NFKB1: variants seen among roughly 807,000 people sequenced by gnomAD.
NFKB1 encodes the protein nuclear factor NF-kappa-B p105 subunit.
A neutral mutation model predicts 105.1 loss-of-function variants in NFKB1; 9 were observed. That is an observed-to-expected ratio of 0.09 (90% CI 0.05 to 0.15). The LOEUF (loss-of-function observed/expected upper bound fraction) is 0.15, where lower values mean the gene tolerates loss of function less well. NFKB1 is among the 10% of genes least tolerant of loss of function. The pLI is 1.00. For synonymous variants in NFKB1, 440 were observed against 442.2 expected, an observed-to-expected ratio of 1.00 and a Z score of 0.06; for missense variants, 830 against 1,203.7, an observed-to-expected ratio of 0.69 and a Z score of 4.59.
chr4:102,596,459 G>A, intron 14 of NFKB1, 127 bp downstream of exon 14: 1 of 674,156 alleles, frequency 1.5e-6, no homozygotes, highest in Non-Finnish European at 2.2e-6. Flanking sequence ...TCAAAGTTCT[G>A]TATGCCTTTG....
chr4:102,570,395 CT>C (rs1385554323), intron 6 of NFKB1, among the ~76,000 whole-genome samples: 2 of 152,134 alleles, frequency 1.3e-5, no homozygotes, highest in African/African-American at 4.8e-5. Context: ...TGATCTTATT[CT>C]TTTTTATGGC....
chr4:102,523,540 A>T (rs1740702515), intron 1 of NFKB1, among the ~76,000 whole-genome samples: 1 of 152,164 alleles, frequency 6.6e-6, no homozygotes, highest in Non-Finnish European at 1.5e-5. Context: ...TATATTCATT[A>T]CGGTGAGGGC....
In NFKB1 at chr4:102,616,731, C is replaced by T; in HGVS notation, c.*137C>T. On this transcript the variant is annotated 3_prime_UTR_variant, in exon 24 of 24. Coordinates refer to ENST00000226574, the MANE Select transcript of NFKB1 (RefSeq NM_003998.4). ...GAATCATTCTCGATTTAACTCGAGA[C>T]CTTTTCAACTTGGCTTCCTTTCTTG... 1.2e-6 allele frequency: 1 copy of T among 863,578 alleles called. No homozygotes were observed. Among genetic ancestry groups the T allele is most frequent in the South Asian group, 2.0e-5 (1 of 50,914 alleles). 53.5% of individuals were successfully genotyped at this position (863,578 alleles called of 1,614,324 possible).
intron 3 of NFKB1, among the ~76,000 whole-genome samples, chr4:102,531,577 A>G (rs545062604): frequency 4.6e-5 from 7 of 152,338 alleles, no homozygotes; most frequent in South Asian, 4.1e-4. Context: ...GGGATGCGAC[A>G]TAACTCTTAG....
chr4:102,547,837 G>C (rs911565994), intron 5 of NFKB1, among the ~76,000 whole-genome samples: 7 of 152,030 alleles, frequency 4.6e-5, no homozygotes, highest in African/African-American at 1.7e-4. Flanking sequence ...CTTCTGTCTG[G>C]GGTTAAGATA....
At chr4:102,547,126 T>A (rs1722199615) in intron 5 of NFKB1, among the ~76,000 whole-genome samples, 1 of 152,132 alleles carries the variant, frequency 6.6e-6, no homozygotes, top group Admixed American at 6.5e-5. Context: ...CAGAATTAAA[T>A]CCTCAGAATC....
chr4:102,574,329 T>C (rs1724632318), intron 6 of NFKB1, among the ~76,000 whole-genome samples: 1 of 152,230 alleles, frequency 6.6e-6, no homozygotes, highest in South Asian at 2.1e-4. Context: ...TGATGCTCCA[T>C]GTATTACAAG....
intron 11 of NFKB1, among the ~76,000 whole-genome samples, chr4:102,585,180 A>G (rs945849855): frequency 7.2e-5 from 11 of 152,040 alleles, no homozygotes; most frequent in African/African-American, 2.4e-4. Flanking sequence ...TTGAGCTGCC[A>G]TGTCTTGCCA....
At chr4:102,524,089 T>C (rs1740741675) in intron 1 of NFKB1, among the ~76,000 whole-genome samples, 1 of 152,166 alleles carries the variant, frequency 6.6e-6, no homozygotes, top group African/African-American at 2.4e-5. Flanking sequence ...TGTGTTTCTT[T>C]AATTTTCTCA....
chr4:102,594,254 A>G (rs1172288551), intron 12 of NFKB1, among the ~76,000 whole-genome samples: 1 of 152,234 alleles, frequency 6.6e-6, no homozygotes, highest in African/African-American at 2.4e-5. Context: ...TCAAGTGAAC[A>G]AACCATAGTA....
intron 5 of NFKB1, among the ~76,000 whole-genome samples, chr4:102,549,599 C>T (rs1002934278): frequency 7.9e-5 from 12 of 151,688 alleles, no homozygotes; most frequent in Non-Finnish European, 1.2e-4. Flanking sequence ...CCTAGACTTC[C>T]ACTTTGAAAT....
intron 14 of NFKB1, among the ~76,000 whole-genome samples, chr4:102,596,935 C>A (rs1161526086): frequency 1.3e-5 from 2 of 151,584 alleles, no homozygotes; most frequent in Non-Finnish European, 1.5e-5. Context: ...TTTTTTTACA[C>A]CCCTTTAAAA....
chr4:102,526,461 T>C (rs1740918675), intron 2 of NFKB1, among the ~76,000 whole-genome samples: 1 of 152,168 alleles, frequency 6.6e-6, no homozygotes, highest in South Asian at 2.1e-4. Flanking sequence ...ATACAATCTA[T>C]GCATGTAACA....
chr4:102,561,639 T>C (rs1016279437), intron 5 of NFKB1, among the ~76,000 whole-genome samples: 2 of 152,124 alleles, frequency 1.3e-5, no homozygotes, highest in Non-Finnish European at 2.9e-5. Context: ...AGCTCAAGGA[T>C]TGCCTGATCG....
At chr4:102,512,307 T>C (rs1458013108) in intron 1 of NFKB1, among the ~76,000 whole-genome samples, 1 of 152,166 alleles carries the variant, frequency 6.6e-6, no homozygotes, top group Non-Finnish European at 1.5e-5. Flanking sequence ...TTCTCCCCAC[T>C]CAGTTTATAC....
chr4:102,575,277 A>C (rs911968397), intron 6 of NFKB1, among the ~76,000 whole-genome samples: 2 of 152,142 alleles, frequency 1.3e-5, no homozygotes, highest in Admixed American at 1.3e-4. Flanking sequence ...ATCTGCCTGG[A>C]CACGTGACTT....
At chr4:102,537,310 CTGAAATGCTGAGAGAAGCTT>C (rs1430692476) in intron 4 of NFKB1, among the ~76,000 whole-genome samples, 1 of 152,180 alleles carries the variant, frequency 6.6e-6, no homozygotes, top group African/African-American at 2.4e-5. Context: ...ATCTTATCCT[CTGAAATGCTGAGAGAAGCTT>C]AACAGATGCA....
intron 1 of NFKB1, chr4:102,502,125 G>A (rs982908008): frequency 1.3e-5 from 2 of 152,648 alleles, no homozygotes; most frequent in African/African-American, 4.8e-5. Context: ...CCACCTGGGG[G>A]ATGGTGAGAA....
At chr4:102,586,438 A>G (rs947733094) in intron 11 of NFKB1, among the ~76,000 whole-genome samples, 1 of 152,166 alleles carries the variant, frequency 6.6e-6, no homozygotes, top group Admixed American at 6.5e-5. Flanking sequence ...CTTAGTAGGC[A>G]GATCAAAAGG....
Sources: allele counts gnomAD v4.1 joint callset (sites outside exome capture counted in the v4.1 genomes callset), GRCh38; gene constraint gnomAD v4.1.1; transcripts MANE v1.5; gene names NCBI Gene and HGNC (gene_info 2026-07-23, HGNC 2026-07-21).